The following MTMR12 variants were observed in gnomAD, a reference collection of about 807,000 sequenced individuals.
MTMR12 encodes the protein myotubularin-related protein 12.
MTMR12 carries 33 observed loss-of-function variants against 96.7 expected under a neutral mutation model. That is an observed-to-expected ratio of 0.34 (90% confidence interval 0.26 to 0.46). The LOEUF (loss-of-function observed/expected upper bound fraction) is 0.46, where lower values mean the gene tolerates loss of function less well. Ranked by LOEUF, MTMR12 falls within the 20% of genes least tolerant of loss-of-function variation. The pLI is 1.00. For synonymous variants in MTMR12, 298 were observed against 327.2 expected, an observed-to-expected ratio of 0.91 and a Z score of 0.96; for missense variants, 721 against 896.1, an observed-to-expected ratio of 0.80 and a Z score of 2.49.
intron 1 of MTMR12, among the ~76,000 whole-genome samples, chr5:32,300,438 A>G (rs1561812228): frequency 6.6e-6 from 1 of 152,108 alleles, no homozygotes; most frequent in Non-Finnish European, 1.5e-5. Context: ...CTCTTCCACA[A>G]TGCTATGGCA....
chr5:32,266,791 T>C (rs988705983), intron 6 of MTMR12, among the ~76,000 whole-genome samples: 1 of 150,400 alleles, frequency 6.6e-6, no homozygotes, highest in African/African-American at 2.4e-5. Flanking sequence ...TTAAGAGTAA[T>C]GGATGGAGCC....
rs374730247 is a variant in MTMR12, at chr5:32,251,109, G to A, written c.790-2231C>T. On this transcript the variant is annotated intron_variant, in intron 8 of 15. Coordinates refer to ENST00000382142, the MANE Select transcript of MTMR12 (RefSeq NM_001040446.3). ...CTCGCTCTGTCGCCCAGGCTGGAGTGCAGTGGCGGGATCTCGGCTCACTGC... is the reference window on the plus strand; with the variant it reads ...CTCGCTCTGTCGCCCAGGCTGGAGTACAGTGGCGGGATCTCGGCTCACTGC... 1.4e-3 allele frequency among the ~76,000 whole-genome samples: 198 copies of A among 144,956 alleles called. 4 individuals are homozygous for A. The Middle Eastern group carries it at 0.018, about 13-fold the overall frequency.
chr5:32,242,532 C>CA (rs1042945399), intron 11 of MTMR12, among the ~76,000 whole-genome samples: 7 of 152,092 alleles, frequency 4.6e-5, no homozygotes, highest in African/African-American at 1.4e-4. Context: ...TAAAAAGCTC[C>CA]AATATGCTCA....
At chr5:32,295,805 G>C (rs954846849) in intron 1 of MTMR12, among the ~76,000 whole-genome samples, 8 of 152,272 alleles carry the variant, frequency 5.3e-5, no homozygotes, top group African/African-American at 1.9e-4. Context: ...CCAGAACTCA[G>C]TATCAATTCT....
rs748436151 is a variant in MTMR12 at position 32,229,783 on chromosome 5, C to T, written c.2239G>A (p.Val747Met). 1.2e-5 allele frequency: 19 copies of T among 1,523,478 alleles called. No homozygotes were observed. In the East Asian group the frequency reaches 2.5e-4, roughly 20 times the overall value. 94.4% of individuals were successfully genotyped at this position (1,523,478 alleles called of 1,614,324 possible). ...ACAATCACTCAACAAACAGGTCACACATCCCCTAGGTCCACGAACTCATCT... is the reference window on the plus strand; with the variant it reads ...ACAATCACTCAACAAACAGGTCACATATCCCCTAGGTCCACGAACTCATCT... The part of the protein sequence containing the change: ...REDEFVDLGD[V>M] Residue 747 changes from valine (V) to methionine (M), a missense_variant, in exon 16 of 16, where the codon GTG (valine) becomes ATG (methionine). Val to Met is a conservative substitution (Grantham distance 21, BLOSUM62 1). Transcript: ENST00000382142.
At chr5:32,278,562 C>G (rs990045836) in intron 1 of MTMR12, among the ~76,000 whole-genome samples, 2 of 152,054 alleles carry the variant, frequency 1.3e-5, no homozygotes, top group Non-Finnish European at 2.9e-5. Flanking sequence ...GACTAAGATG[C>G]CAGTAAACCA....
rs1036203617 is a variant in MTMR12, at chr5:32,280,013, A to C, written c.82-3271T>G. Among the ~76,000 whole-genome samples the C allele has an allele frequency of 3.9e-5, 6 of 152,248 alleles. No homozygotes were observed. The South Asian group carries it at 1.2e-3, about 32-fold the overall frequency. On this transcript the variant is annotated intron_variant, in intron 1 of 15. Coordinates refer to ENST00000382142, the MANE Select transcript of MTMR12 (RefSeq NM_001040446.3). ...TACAGGACAAAAGCACATGGATGTT[A>C]AAGTCAACTACCACTCTTGAGGACT...
chr5:32,268,828 G>A (rs527477544), intron 5 of MTMR12, 34 bp from the exon 6 acceptor site: 2 of 1,547,434 alleles, frequency 1.3e-6, no homozygotes, highest in Non-Finnish European at 1.8e-6. Flanking sequence ...TATAGTTATG[G>A]TTTTGACAGA....
At chr5:32,267,330 C>T (rs184983018) in intron 6 of MTMR12, among the ~76,000 whole-genome samples, 2 of 146,058 alleles carry the variant, frequency 1.4e-5, no homozygotes, top group Non-Finnish European at 3.0e-5. Flanking sequence ...GAGCCAAGAT[C>T]GTGCCACTGC....
intron 1 of MTMR12, among the ~76,000 whole-genome samples, chr5:32,300,477 T>C (rs1751095772): frequency 6.6e-6 from 1 of 152,066 alleles, no homozygotes; most frequent in Non-Finnish European, 1.5e-5. Context: ...ACTCCTACTG[T>C]GGTTGGTTTA....
At chr5:32,301,140 G>C (rs531871027) in intron 1 of MTMR12, among the ~76,000 whole-genome samples, 90 of 152,308 alleles carry the variant, frequency 5.9e-4, no homozygotes, top group African/African-American at 2.1e-3. Context: ...GCTGGGGTGG[G>C]GCTGGGGGCT....
chr5:32,271,684 CT>C (rs1207492380), intron 4 of MTMR12, 148 bp downstream of exon 4: 5 of 465,680 alleles, frequency 1.1e-5, no homozygotes, highest in East Asian at 3.7e-5. Flanking sequence ...CACTTTACAT[CT>C]CAATTTTAGC....
intron 15 of MTMR12, among the ~76,000 whole-genome samples, chr5:32,230,789 C>T (rs1029581699): frequency 6.6e-6 from 1 of 152,218 alleles, no homozygotes; most frequent in African/African-American, 2.4e-5. Flanking sequence ...AGGCTGTTAA[C>T]CACTACAATC....
At chr5:32,286,551 C>T (rs992517662) in intron 1 of MTMR12, among the ~76,000 whole-genome samples, 4 of 151,664 alleles carry the variant, frequency 2.6e-5, no homozygotes, top group South Asian at 2.1e-4. Context: ...TTTGCCCTCA[C>T]GAAATTCAGA....
At chr5:32,290,900 T>C (rs1750715644) in intron 1 of MTMR12, among the ~76,000 whole-genome samples, 1 of 152,210 alleles carries the variant, frequency 6.6e-6, no homozygotes, top group African/African-American at 2.4e-5. Flanking sequence ...AACTGAATGT[T>C]TGACTATGGG....
chr5:32,298,556 C>T (rs1224501159), intron 1 of MTMR12, among the ~76,000 whole-genome samples: 1 of 152,078 alleles, frequency 6.6e-6, no homozygotes, highest in Admixed American at 6.5e-5. Context: ...GGAAGGGAGG[C>T]CCTCCAGGTA....
chr5:32,292,132 C>T (rs1466804138), intron 1 of MTMR12, among the ~76,000 whole-genome samples: 1 of 152,182 alleles, frequency 6.6e-6, no homozygotes, highest in Non-Finnish European at 1.5e-5. Context: ...GCTGGATTGA[C>T]AGAATGGTGT....
rs750903693 is a variant in MTMR12 at position 32,242,227 on chromosome 5, CTCTCT to C, written c.1101-105_1101-101del. 324 of 718,738 alleles carry C rather than the reference CTCTCT, an allele frequency of 4.5e-4. 1 individual carries two copies. The highest frequency in any genetic ancestry group is 6.1e-4 in the Non-Finnish European group (283 of 460,258). 44.5% of individuals were successfully genotyped at this position (718,738 alleles called of 1,614,324 possible). ...AGAGTCTGACTTGATCTTCAGTCTT[CTCTCT>C]TATTTTTTTTTTTTCCACGCTAAAA... On this transcript the variant is annotated intron_variant, in intron 11 of 15. Transcript: ENST00000382142.
At position 32,228,877 on chromosome 5, in the gene MTMR12, G is replaced by C. The variant is rs943574313; in HGVS notation, c.*901C>G. Reference sequence around the variant, plus strand: ...TTGCGGCAGAAAACTGCAATCACAAGTGCTCCAAAGCTTCAGCAGGCAAGT... The same window carrying C: ...TTGCGGCAGAAAACTGCAATCACAACTGCTCCAAAGCTTCAGCAGGCAAGT... On this transcript the variant is annotated 3_prime_UTR_variant, in exon 16 of 16. Transcript: ENST00000382142. 1 of 151,922 alleles carries C rather than the reference G, an allele frequency of 6.6e-6. No homozygotes were observed. The highest frequency in any genetic ancestry group is 1.5e-5 in the Non-Finnish European group (1 of 68,006). 9.4% of individuals were successfully genotyped at this position (151,922 alleles called of 1,614,324 possible). A position where few individuals can be genotyped will look rare whatever the true frequency, so the allele number is the denominator to read the frequency against.
Sources: gnomAD v4.1 joint callset for allele counts (sites outside exome capture counted in the v4.1 genomes callset) on GRCh38, gnomAD v4.1.1 for gene constraint, MANE v1.5 for transcripts, NCBI Gene and HGNC (gene_info 2026-07-23, HGNC 2026-07-21) for gene names.